Variants in ERICH3 observed in about 807,000 individuals in gnomAD.
The protein encoded by ERICH3 is glutamate rich 3, also known as glutamate-rich protein 3.
Under a neutral mutation model 131.1 loss-of-function variants are expected in ERICH3, and 126 were observed. The observed-to-expected ratio is 0.96, with a 90% CI of 0.83 to 1.11. The LOEUF is 1.11. Among genes scored for constraint, ERICH3 ranks in the 50% most tolerant of loss-of-function variants. The pLI, the probability that ERICH3 is intolerant of heterozygous loss-of-function variation, is 0.00. For synonymous variants in ERICH3, 695 were observed against 644.6 expected (o/e 1.08, Z -1.18); for missense variants, 2,050 against 1,810.7 (o/e 1.13, Z -2.40).
At position 74,620,902 on chromosome 1, in the gene ERICH3, T is replaced by C. The variant is rs116329977; in HGVS notation, c.832A>G (p.Ile278Val). ...EPLLTKDSRR[I>V]HKTSLHSNAA... Reference sequence around the variant, plus strand: ...TTACTATGTAAGGATGTTTTATGAATCCTTCTTGAATCCTGAAATAAACAG... The same window carrying C: ...TTACTATGTAAGGATGTTTTATGAACCCTTCTTGAATCCTGAAATAAACAG... The change falls in exon 8 of 15, where the codon ATT becomes GTT. Residue 278 changes from isoleucine (I) to valine (V), a missense_variant. By Grantham distance (29) the Ile-to-Val change is conservative. Coordinates refer to ENST00000326665, the MANE Select transcript of ERICH3 (RefSeq NM_001002912.5). 218 of 1,593,904 alleles carry C rather than the reference T, an allele frequency of 1.4e-4. 1 individual carries two copies. In the African/African-American group the frequency reaches 2.3e-3, roughly 17 times the overall value.
intron 7 of ERICH3, among the ~76,000 whole-genome samples, chr1:74,627,404 T>C (rs1046072026): frequency 6.6e-6 from 1 of 151,940 alleles, no homozygotes; most frequent in Non-Finnish European, 1.5e-5. Flanking sequence ...AGGCAATTAA[T>C]AGCATAAAAT....
In ERICH3 at chr1:74,606,742, T is replaced by G; in HGVS notation, c.1348A>C (p.Thr450Pro). The G allele has an allele frequency of 6.2e-7, 1 of 1,613,426 alleles. No individual in the cohort carries two copies. The part of the protein sequence containing the change: ...PKRNEIKENK[T>P]SVSAKFSAQE... ...GCTGAAAATTTGGCTGAAACAGAGG[T>G]TTTGTTCTCCTTGATCTCATTTCTT... The change falls in exon 10 of 15, where the codon ACC (threonine) becomes CCC (proline). Residue 450 changes from threonine (T) to proline (P), a missense_variant. Coordinates refer to ENST00000326665, the MANE Select transcript of ERICH3 (RefSeq NM_001002912.5).
intron 5 of ERICH3, among the ~76,000 whole-genome samples, chr1:74,640,169 G>A (rs1646426020): frequency 6.6e-6 from 1 of 152,146 alleles, no homozygotes; most frequent in Non-Finnish European, 1.5e-5. Flanking sequence ...TGAAAAGAAA[G>A]CCTTTCAAGG....
intron 12 of ERICH3, among the ~76,000 whole-genome samples, chr1:74,589,021 A>C (rs981902815): frequency 6.6e-6 from 1 of 152,054 alleles, no homozygotes; most frequent in Non-Finnish European, 1.5e-5. Flanking sequence ...TTCTGGAACA[A>C]CTCTGCCTGA....
intron 13 of ERICH3, among the ~76,000 whole-genome samples, chr1:74,575,921 A>C (rs1294382036): frequency 6.9e-6 from 1 of 145,224 alleles, no homozygotes; most frequent in Non-Finnish European, 1.5e-5. Context: ...GTATAAAAAC[A>C]TGACTTTTTT....
intron 1 of ERICH3, among the ~76,000 whole-genome samples, chr1:74,651,284 C>T (rs969400170): frequency 7.9e-5 from 12 of 152,050 alleles, no homozygotes; most frequent in African/African-American, 2.9e-4. Context: ...TTAATTTCAT[C>T]CTCAAAAGAG....
chr1:74,626,214 T>C (rs1649410706), intron 7 of ERICH3: 1 of 152,186 alleles, frequency 6.6e-6, no homozygotes, highest in Non-Finnish European at 1.5e-5. Context: ...AGCAACTAGC[T>C]GGATGTGCAA....
Position 74,573,759 on chromosome 1 carries a change from G to C in ERICH3, c.2219-268C>G, listed in dbSNP as rs184601093. Among the ~76,000 whole-genome samples, 6 of 152,146 alleles carry C rather than the reference G, an allele frequency of 3.9e-5. No individual in the cohort carries two copies. The East Asian group carries it at 1.2e-3, about 29-fold the overall frequency. ...GATATTAAAGAAAAGCTGATCATCA[G>C]AGATGTTTAAAATAAGCAGCAATAA... On this transcript the variant is annotated intron_variant, in intron 13 of 14. Coordinates refer to ENST00000326665, the MANE Select transcript of ERICH3 (RefSeq NM_001002912.5).
intron 7 of ERICH3, chr1:74,625,672 T>C (rs1189659612): frequency 6.6e-6 from 1 of 152,194 alleles, no homozygotes. Context: ...GTCTTACCCA[T>C]CTTGGTAACC....
At chr1:74,612,889 T>C in intron 8 of ERICH3, 80 bp from the exon 9 acceptor site, 1 of 1,211,186 alleles carries the variant, frequency 8.3e-7, no homozygotes, top group Non-Finnish European at 1.1e-6. Context: ...TTCTATTAGA[T>C]AAACACAATA....
At chr1:74,577,857 A>G (rs1207207984) in intron 12 of ERICH3, among the ~76,000 whole-genome samples, 1 of 152,218 alleles carries the variant, frequency 6.6e-6, no homozygotes. Context: ...ACCAATCATC[A>G]CTGCTTTTCT....
In ERICH3 at chr1:74,571,399, C is replaced by T; in HGVS notation, c.4311G>A (p.Leu1437=). 6.2e-7 allele frequency: 1 copy of T among 1,614,030 alleles called. No homozygotes were observed. The change falls in exon 14 of 15, where the codon CTG becomes CTA. Residue 1437 remains leucine (L), a synonymous_variant. Transcript: ENST00000326665. ...TEAGVGTPGA[L]ERKTSGLGQE... ...GTCCTAGCCCTGAGGTCTTCCGCTC[C>T]AGGGCTCCTGGAGTGCCCACCCCAG...
intron 1 of ERICH3, among the ~76,000 whole-genome samples, chr1:74,664,474 T>C (rs1646670969): frequency 6.6e-6 from 1 of 152,156 alleles, no homozygotes; most frequent in African/African-American, 2.4e-5. Flanking sequence ...CTTCTTTGTA[T>C]GAGAGCCAAA....
In ERICH3 at chr1:74,639,487, C is replaced by T. The variant is rs1425685900; in HGVS notation, c.444+1844G>A. On this transcript the variant is annotated intron_variant, in intron 5 of 14. Transcript: ENST00000326665. The stretch of plus-strand genomic sequence containing the variant: ...CACATCAGAAGCCACCTTAAATTCA[C>T]TATATTTTAAATTGTGTGTAATATA... Among the ~76,000 whole-genome samples the T allele has an allele frequency of 3.3e-5, 5 of 152,262 alleles. No homozygotes were observed. In the South Asian group the frequency reaches 1.0e-3, roughly 32 times the overall value.
chr1:74,572,076 C>A lies in ERICH3; in HGVS notation c.3634G>T (p.Gly1212Ter), dbSNP rs369731422. 7 of 1,614,106 alleles carry A rather than the reference C, an allele frequency of 4.3e-6. No homozygotes were observed. Among genetic ancestry groups the A allele is most frequent in the Non-Finnish European group, 5.9e-6 (7 of 1,180,040 alleles). ...RALKEGHRQDGEGALAAPEAE... is the reference protein window; with the variant it reads ...RALKEGHRQD ...TCAGGAGCTGCTAAGGCCCCCTCTC[C>A]ATCTTGGCGGTGCCCTTCCTTCAGG... Residue 1212 changes from glycine to a stop codon, truncating the protein, a stop_gained, in exon 14 of 15, where the codon GGA (glycine) becomes TGA (stop). Coordinates refer to ENST00000326665, the MANE Select transcript of ERICH3 (RefSeq NM_001002912.5). LOFTEE classifies it high-confidence loss of function.
rs1648044243 is a variant in ERICH3 at position 74,599,889 on chromosome 1, T to C, written c.1532A>G (p.Glu511Gly). ...AGCCTGTCCTTCTTCATTAGATTTT[T>C]CACCTTGTTTCTCCTCATCTACTTC... ...DFEVDEEKQG[E>G]KSNEEGQADV... is the part of the protein sequence containing the mutation. Residue 511 changes from glutamate to glycine, a missense_variant, in exon 11 of 15, where the codon GAA (glutamate) becomes GGA (glycine). Physicochemically the swap from Glu to Gly is moderately conservative, Grantham distance 98. Transcript: ENST00000326665. 2.5e-6 allele frequency: 4 copies of C among 1,611,946 alleles called. No individual in the cohort carries two copies. The highest frequency in any genetic ancestry group is 3.4e-6 in the Non-Finnish European group (4 of 1,178,766).
rs776349480 is a variant in ERICH3 at position 74,572,859 on chromosome 1, T to C, written c.2851A>G (p.Ile951Val). 1 of 1,613,980 alleles carries C rather than the reference T, an allele frequency of 6.2e-7. No homozygotes were observed. The highest frequency in any genetic ancestry group is 1.1e-5 in the South Asian group (1 of 91,084). ...ATGGGTCCTGTGTCCTCTAGGTCTATGGATGCTTCCTCTTCACTTTCTCCG... is the reference window on the plus strand; with the variant it reads ...ATGGGTCCTGTGTCCTCTAGGTCTACGGATGCTTCCTCTTCACTTTCTCCG... Reference protein sequence around the residue: ...DVGESEEEASIDLEDTGPMED... With the variant: ...DVGESEEEASVDLEDTGPMED... The change falls in exon 14 of 15, where the codon ATA (isoleucine) becomes GTA (valine). Residue 951 changes from isoleucine to valine, a missense_variant. Transcript: ENST00000326665.
Position 74,606,992 on chromosome 1 carries a change from C to G in ERICH3, c.1188-90G>C, listed in dbSNP as rs1029522605. The G allele has an allele frequency of 5.7e-6, 7 of 1,224,450 alleles. No homozygotes were observed. In the African/African-American group the frequency reaches 1.1e-4, roughly 19 times the overall value. 75.8% of individuals were successfully genotyped at this position (1,224,450 alleles called of 1,614,324 possible). On this transcript the variant is annotated intron_variant, in intron 9 of 14. Transcript: ENST00000326665. ...CTTTTGAAAGCACTTATCTCTTATTCCAGTAAAAAAAGACACAAAAATGTT... is the reference window on the plus strand; with the variant it reads ...CTTTTGAAAGCACTTATCTCTTATTGCAGTAAAAAAAGACACAAAAATGTT...
chr1:74,624,542 T>C (rs530152895), intron 7 of ERICH3: 1 of 152,322 alleles, frequency 6.6e-6, no homozygotes, highest in Admixed American at 6.5e-5. Flanking sequence ...TTTTTCTTAC[T>C]ACTGTGTAAA....
Sources: gnomAD v4.1 joint callset for allele counts (sites outside exome capture counted in the v4.1 genomes callset) on GRCh38, gnomAD v4.1.1 for gene constraint, MANE v1.5 for transcripts, NCBI Gene and HGNC (gene_info 2026-07-23, HGNC 2026-07-21) for gene names.